The following CCNH variants were observed in gnomAD, a reference collection of about 807,000 sequenced individuals.
CCNH encodes cyclin H.
A neutral mutation model predicts 41.9 loss-of-function variants in CCNH; 31 were observed. The observed-to-expected ratio is 0.74, with a 90% CI of 0.56 to 1.00. The LOEUF (loss-of-function observed/expected upper bound fraction) is 1.00. CCNH is among the 50% of genes least tolerant of loss of function. The pLI is 0.00. For synonymous variants in CCNH, 138 were observed against 136.1 expected (o/e 1.01, Z -0.10); for missense variants, 362 against 388.4 (o/e 0.93, Z 0.57).
At chr5:87,393,474 A>C (rs1403404085), downstream of CCNH, 1 of 152,230 alleles carries the variant, frequency 6.6e-6, no homozygotes, top group Non-Finnish European at 1.5e-5. Flanking sequence ...TAGAGGTTTA[A>C]TAACTTACCA....
intron 9 of CCNH, among the ~76,000 whole-genome samples, chr5:87,385,985 T>C (rs1395701415): frequency 1.3e-5 from 2 of 152,102 alleles, no homozygotes; most frequent in Non-Finnish European, 2.9e-5. Context: ...AGCTGAACTT[T>C]GGAGTAAAAT....
chr5:87,358,751 C>G (rs1759845924), intron 9 of CCNH, among the ~76,000 whole-genome samples: 1 of 152,216 alleles, frequency 6.6e-6, no homozygotes, highest in African/African-American at 2.4e-5. Context: ...GAACTCGTCT[C>G]TTCCTACTAT....
At chr5:87,324,099 G>C (rs769280131) in intron 9 of CCNH, among the ~76,000 whole-genome samples, 4 of 152,216 alleles carry the variant, frequency 2.6e-5, no homozygotes, top group Non-Finnish European at 4.4e-5. Flanking sequence ...TTAACCTTCA[G>C]ACGTAGTGAT....
intron 5 of CCNH, among the ~76,000 whole-genome samples, chr5:87,402,069 A>G (rs532934890): frequency 5.9e-5 from 9 of 152,338 alleles, no homozygotes; most frequent in East Asian, 1.9e-4. Context: ...TAGAAGCCCA[A>G]TAAGGCTAAC....
At chr5:87,385,467 G>A (rs1328753065) in intron 9 of CCNH, 1 of 1,146,112 alleles carries the variant, frequency 8.7e-7, no homozygotes, top group Non-Finnish European at 1.3e-6. Context: ...TGTGGCTTAA[G>A]TAAATTTTTA....
chr5:87,352,553 T>G (rs115199307), intron 9 of CCNH, among the ~76,000 whole-genome samples: 455 of 151,762 alleles, frequency 3.0e-3, no homozygotes, highest in Non-Finnish European at 5.6e-3. Flanking sequence ...GTCATTTTAT[T>G]TTTTTGTAAT....
intron 9 of CCNH, among the ~76,000 whole-genome samples, chr5:87,345,354 C>CT (rs1208807355): frequency 6.6e-6 from 1 of 152,072 alleles, no homozygotes; most frequent in Admixed American, 6.6e-5. Context: ...TTTTACCCTT[C>CT]TTTTTTTGAA....
chr5:87,387,840 A>G (rs73158006), downstream of CCNH, among the ~76,000 whole-genome samples: 279 of 152,286 alleles, frequency 1.8e-3, 1 homozygote, highest in Middle Eastern at 0.017. Context: ...TCATGCTTCT[A>G]TATGTGAACT....
intron 9 of CCNH, among the ~76,000 whole-genome samples, chr5:87,344,732 T>G (rs1447815719): frequency 6.7e-6 from 1 of 149,728 alleles, no homozygotes; most frequent in Non-Finnish European, 1.5e-5. Context: ...CTGCCCAGAC[T>G]GGTCTCAAAC....
At chr5:87,400,982 G>A (rs1443048451) in intron 6 of CCNH, among the ~76,000 whole-genome samples, 1 of 152,216 alleles carries the variant, frequency 6.6e-6, no homozygotes, top group East Asian at 1.9e-4. Flanking sequence ...GGCTGGATAA[G>A]TCTTGATTAC....
intron 9 of CCNH, among the ~76,000 whole-genome samples, chr5:87,370,169 C>T (rs961640061): frequency 6.6e-6 from 1 of 152,126 alleles, no homozygotes; most frequent in African/African-American, 2.4e-5. Flanking sequence ...TGAGAATGCT[C>T]ATTTAAAATC....
chr5:87,312,424 C>T, the CCNH span, among the ~76,000 whole-genome samples: 1 of 152,134 alleles, frequency 6.6e-6, no homozygotes, highest in Non-Finnish European at 1.5e-5. Context: ...TTAACAGTTA[C>T]TCCATTATGT....
chr5:87,375,886 C>G (rs532507758), downstream of CCNH, among the ~76,000 whole-genome samples: 22 of 152,132 alleles, frequency 1.4e-4, no homozygotes, highest in Non-Finnish European at 2.2e-4. Context: ...ATTACTTTTA[C>G]GATAAAATCC....
chr5:87,340,899 T>G (rs1055969791), intron 9 of CCNH, among the ~76,000 whole-genome samples: 2 of 152,106 alleles, frequency 1.3e-5, no homozygotes, highest in African/African-American at 4.8e-5. Context: ...AAATGTAGAC[T>G]TGAGTCCTGT....
intron 9 of CCNH, among the ~76,000 whole-genome samples, chr5:87,325,970 C>A (rs376169205): frequency 8.6e-5 from 13 of 152,034 alleles, no homozygotes; most frequent in African/African-American, 1.2e-4. Flanking sequence ...CAGCCCCCCA[C>A]CCCCTTTTTT....
chr5:87,317,745 C>CA (rs1167916693), downstream of CCNH, among the ~76,000 whole-genome samples: 1 of 151,884 alleles, frequency 6.6e-6, no homozygotes, highest in Admixed American at 6.6e-5. Context: ...AATTAATTCT[C>CA]ATGCCTCAGC....
At chr5:87,388,364 T>A (rs1762214057), downstream of CCNH, among the ~76,000 whole-genome samples, 1 of 152,184 alleles carries the variant, frequency 6.6e-6, no homozygotes, top group South Asian at 2.1e-4. Flanking sequence ...AGGCTTAAAA[T>A]AACACTGGCA....
chr5:87,349,441 A>T, intron 9 of CCNH: 1 of 1,488,140 alleles, frequency 6.7e-7, no homozygotes, highest in Non-Finnish European at 9.2e-7. Context: ...ATTCAGAGTC[A>T]AAATTATATA....
In CCNH at chr5:87,404,911, T is replaced by C. The variant is rs1343771894; in HGVS notation, c.622A>G (p.Thr208Ala). 6.2e-7 allele frequency: 1 copy of C among 1,613,404 alleles called. No homozygotes were observed. The highest frequency in any genetic ancestry group is 8.5e-7 in the Non-Finnish European group (1 of 1,179,534). The part of the protein sequence containing the change: ...IALTDAYLLY[T>A]PSQIALTAIL... Reference sequence around the variant, plus strand: ...GCAGTCAGGGCAATTTGGGAAGGTGTGTATAAAAGGTAAGCATCCGTCAAT... The same window carrying C: ...GCAGTCAGGGCAATTTGGGAAGGTGCGTATAAAAGGTAAGCATCCGTCAAT... Residue 208 changes from threonine (T) to alanine (A), a missense_variant, in exon 5 of 9, where the codon ACA becomes GCA. Thr to Ala is a moderately conservative substitution (Grantham distance 58, BLOSUM62 0). Transcript: ENST00000256897.
Sources: allele counts gnomAD v4.1 joint callset (sites outside exome capture counted in the v4.1 genomes callset), GRCh38; gene constraint gnomAD v4.1.1; transcripts MANE v1.5; gene names NCBI Gene and HGNC (gene_info 2026-07-23, HGNC 2026-07-21).